The following ZNF429 variants were observed in gnomAD, a reference collection of about 807,000 sequenced individuals.
ZNF429 encodes zinc finger protein 429.
ZNF429 carries 53 observed loss-of-function variants against 56.8 expected under a neutral mutation model. That is an observed-to-expected ratio of 0.93 (90% confidence interval 0.75 to 1.17). ZNF429 has a LOEUF of 1.17. ZNF429 is among the 50% of genes most tolerant of loss of function. The pLI, the probability that ZNF429 is intolerant of heterozygous loss-of-function variation, is 0.00. For missense variants in ZNF429, 849 were observed against 788.4 expected, an observed-to-expected ratio of 1.08 and a Z score of -0.92; for synonymous variants, 278 against 264.7, an observed-to-expected ratio of 1.05 and a Z score of -0.49.
At chr19:21,528,713 GAAA>G (rs902857795) in intron 1 of ZNF429, among the ~76,000 whole-genome samples, 7 of 147,942 alleles carry the variant, frequency 4.7e-5, no homozygotes, top group Admixed American at 1.3e-4. Flanking sequence ...TCAAAAAAAA[GAAA>G]AAAAAAATTA....
At chr19:21,510,758 T>C (rs2032415172) in intron 1 of ZNF429, among the ~76,000 whole-genome samples, 1 of 151,568 alleles carries the variant, frequency 6.6e-6, no homozygotes, top group South Asian at 2.1e-4. Flanking sequence ...CCTGGGTACT[T>C]GAGATTAGGG....
intron 1 of ZNF429, among the ~76,000 whole-genome samples, chr19:21,514,761 G>GTTGT: frequency 6.7e-6 from 1 of 149,518 alleles, no homozygotes; most frequent in East Asian, 2.0e-4. Flanking sequence ...ACCACACCCA[G>GTTGT]CTAATTTTTG....
intron 1 of ZNF429, among the ~76,000 whole-genome samples, chr19:21,524,199 G>A (rs1400300484): frequency 2.6e-5 from 4 of 152,196 alleles, no homozygotes; most frequent in Non-Finnish European, 4.4e-5. Context: ...AGGCCACAAA[G>A]TATCCAGAGC....
Position 21,531,126 on chromosome 19 carries a change from A to AAC in ZNF429, c.226+443_226+444insCA. On this transcript the variant is annotated intron_variant, in intron 3 of 3. Coordinates refer to ENST00000358491, the MANE Select transcript of ZNF429 (RefSeq NM_001001415.4). ...CATCTCAAAAAAAAAAAAAAAAAAAAAAACCAAAAAAAAAAAAACACCCGT... is the reference window on the plus strand; with the variant it reads ...CATCTCAAAAAAAAAAAAAAAAAAAAACAAACCAAAAAAAAAAAAACACCCGT... 3.0e-3 allele frequency among the ~76,000 whole-genome samples: 319 copies of AAC among 106,102 alleles called. 17 individuals carry two copies. Among genetic ancestry groups the AAC allele is most frequent in the Middle Eastern group, 0.02 (4 of 196 alleles). 69.6% of individuals were successfully genotyped at this position (106,102 alleles called of 152,430 possible).
intron 1 of ZNF429, among the ~76,000 whole-genome samples, chr19:21,519,711 C>T (rs139512069): frequency 6.6e-6 from 1 of 152,252 alleles, no homozygotes; most frequent in African/African-American, 2.4e-5. Flanking sequence ...TCAATAAAAT[C>T]CTCCTTTTCT....
chr19:21,540,622 T>C lies in ZNF429; in HGVS notation c.*2544T>C, dbSNP rs1178575291. On this transcript the variant is annotated 3_prime_UTR_variant, in exon 4 of 4. Coordinates refer to ENST00000358491, the MANE Select transcript of ZNF429 (RefSeq NM_001001415.4). Reference sequence around the variant, plus strand: ...TGACTGCATGGTTATCTTTGTGGTATAAAAATTTATATATAAGTATAAATA... The same window carrying C: ...TGACTGCATGGTTATCTTTGTGGTACAAAAATTTATATATAAGTATAAATA... 3.3e-5 allele frequency among the ~76,000 whole-genome samples: 5 copies of C among 151,996 alleles called. No homozygotes were observed. Among genetic ancestry groups the C allele is most frequent in the South Asian group, 2.1e-4 (1 of 4,830 alleles).
chr19:21,523,585 A>C (rs929217404), intron 1 of ZNF429, among the ~76,000 whole-genome samples: 1 of 152,266 alleles, frequency 6.6e-6, no homozygotes, highest in African/African-American at 2.4e-5. Flanking sequence ...ATCAGTAATC[A>C]ATGTTAATTC....
At chr19:21,518,675 C>G (rs903280399) in intron 1 of ZNF429, 1 of 152,138 alleles carries the variant, frequency 6.6e-6, no homozygotes, top group Non-Finnish European at 1.5e-5. Flanking sequence ...GCCTCAGCCT[C>G]CTGAGTAGCT....
At chr19:21,514,170 C>T (rs2032630856) in intron 1 of ZNF429, among the ~76,000 whole-genome samples, 1 of 152,174 alleles carries the variant, frequency 6.6e-6, no homozygotes, top group African/African-American at 2.4e-5. Context: ...GTACTCTCCC[C>T]CAACTAATGA....
intron 1 of ZNF429, among the ~76,000 whole-genome samples, chr19:21,510,970 A>G (rs1194275139): frequency 6.6e-6 from 1 of 152,018 alleles, no homozygotes; most frequent in Non-Finnish European, 1.5e-5. Context: ...AAAGTCTCCC[A>G]TGTCTACTTC....
chr19:21,535,368 TCTTTCTTTC>T, intron 3 of ZNF429, among the ~76,000 whole-genome samples: 1 of 95,322 alleles, frequency 1.0e-5, no homozygotes, highest in Non-Finnish European at 2.1e-5. Flanking sequence ...CTTCTTTCTT[TCTTTCTTTC>T]TTTTTTACTT....
chr19:21,508,383 T>G (rs1472102688), intron 1 of ZNF429, among the ~76,000 whole-genome samples: 3 of 152,212 alleles, frequency 2.0e-5, no homozygotes, highest in Non-Finnish European at 4.4e-5. Flanking sequence ...GGTTATTGAG[T>G]ACTTAAGTGA....
rs559560720 is a variant in ZNF429, at chr19:21,538,963, C to T, written c.*885C>T. On this transcript the variant is annotated 3_prime_UTR_variant, in exon 4 of 4. Transcript: ENST00000358491. ...CAGATCTTGTTGTACACATTTTATA[C>T]TAGAGGAAAACCCTGAAGCAGTTGC... 6.6e-6 allele frequency among the ~76,000 whole-genome samples: 1 copy of T among 152,112 alleles called. No homozygotes were observed. The highest frequency in any genetic ancestry group is 1.5e-5 in the Non-Finnish European group (1 of 68,026).
At chr19:21,508,787 C>A (rs868046924) in intron 1 of ZNF429, among the ~76,000 whole-genome samples, 48 of 151,670 alleles carry the variant, frequency 3.2e-4, no homozygotes, top group African/African-American at 1.1e-3. Flanking sequence ...AGGGAAAAAT[C>A]TCTTCCATTT....
chr19:21,515,384 A>G (rs1020460760), intron 1 of ZNF429, among the ~76,000 whole-genome samples: 1 of 151,896 alleles, frequency 6.6e-6, no homozygotes, highest in African/African-American at 2.4e-5. Context: ...CCACATGTAT[A>G]TCTTCTTTAG....
chr19:21,523,165 C>T (rs1037616200), intron 1 of ZNF429, among the ~76,000 whole-genome samples: 1 of 152,134 alleles, frequency 6.6e-6, no homozygotes, highest in Admixed American at 6.5e-5. Flanking sequence ...TCCCCTTCCT[C>T]CTCTTGGTAA....
In ZNF429 at chr19:21,536,387, C is replaced by A. The variant is rs1159864934; in HGVS notation, c.334C>A (p.Gln112Lys). The A allele has an allele frequency of 1.9e-6, 3 of 1,613,632 alleles. No homozygotes were observed. Among genetic ancestry groups the A allele is most frequent in the Admixed American group, 3.3e-5 (2 of 59,974 alleles). The change falls in exon 4 of 4, where the codon CAA (glutamine) becomes AAA (lysine). Residue 112 changes from glutamine to lysine, a missense_variant. Transcript: ENST00000358491. ...TGATAAACGTGGACATGAGAACTTA[C>A]AATTAAGAAAAGGCTATAAAACTGT... ...RYDKRGHENL[Q>K]LRKGYKTVGD...
chr19:21,522,596 A>G (rs762104462), intron 1 of ZNF429, among the ~76,000 whole-genome samples: 3 of 152,112 alleles, frequency 2.0e-5, no homozygotes, highest in Non-Finnish European at 4.4e-5. Flanking sequence ...CTTCCAGTCA[A>G]CTCACAGTTG....
At chr19:21,517,305 A>G (rs573349053) in intron 1 of ZNF429, among the ~76,000 whole-genome samples, 2 of 152,320 alleles carry the variant, frequency 1.3e-5, no homozygotes, top group Non-Finnish European at 2.9e-5. Context: ...ATCATAGCAG[A>G]TTAGCTTGTT....
Sources: gnomAD v4.1 joint callset for allele counts (sites outside exome capture counted in the v4.1 genomes callset) on GRCh38, gnomAD v4.1.1 for gene constraint, MANE v1.5 for transcripts, NCBI Gene and HGNC (gene_info 2026-07-23, HGNC 2026-07-21) for gene names.